Variants in PARD3 observed in about 807,000 individuals in gnomAD.
The protein encoded by PARD3 is partitioning defective 3 homolog.
Under a neutral mutation model 155.4 loss-of-function variants are expected in PARD3, and 75 were observed. The ratio of observed to expected loss-of-function variants is 0.48; its 90% CI spans 0.40 to 0.58. The LOEUF (loss-of-function observed/expected upper bound fraction) is 0.58. Among genes scored for constraint, PARD3 ranks in the 20% least tolerant of loss-of-function variants. The pLI, the probability that PARD3 is intolerant of heterozygous loss-of-function variation, is 0.00. For synonymous variants in PARD3, 576 were observed against 610.5 expected, an observed-to-expected ratio of 0.94 and a Z score of 0.83; for missense variants, 1,642 against 1,721.7, an observed-to-expected ratio of 0.95 and a Z score of 0.82.
intron 23 of PARD3, among the ~76,000 whole-genome samples, chr10:34,127,718 G>A (rs1947361317): frequency 6.6e-6 from 1 of 152,188 alleles, no homozygotes; most frequent in Non-Finnish European, 1.5e-5. Flanking sequence ...GCGGGGCTGT[G>A]CCAGGTTGGA....
chr10:34,580,462 G>C (rs916807036), intron 2 of PARD3, among the ~76,000 whole-genome samples: 4 of 152,176 alleles, frequency 2.6e-5, no homozygotes, highest in South Asian at 2.1e-4. Flanking sequence ...TGGAGCCTAA[G>C]AAGTCCAGGT....
chr10:34,388,363 AG>A (rs1209214545), intron 7 of PARD3, among the ~76,000 whole-genome samples: 1 of 152,226 alleles, frequency 6.6e-6, no homozygotes, highest in African/African-American at 2.4e-5. Flanking sequence ...AAGAAAAAAA[AG>A]TCACAAGAAA....
intron 2 of PARD3, among the ~76,000 whole-genome samples, chr10:34,526,492 A>G (rs2082494628): frequency 6.6e-6 from 1 of 152,220 alleles, no homozygotes; most frequent in Non-Finnish European, 1.5e-5. Context: ...GAATGTCTGC[A>G]TCCACTGGTG....
At chr10:34,215,948 G>A (rs1245506275) in intron 22 of PARD3, among the ~76,000 whole-genome samples, 1 of 152,106 alleles carries the variant, frequency 6.6e-6, no homozygotes, top group African/African-American at 2.4e-5. Context: ...TACACTTTTT[G>A]CATTAAATAT....
intron 2 of PARD3, among the ~76,000 whole-genome samples, chr10:34,617,984 T>C (rs1434401790): frequency 2.0e-5 from 3 of 152,222 alleles, no homozygotes; most frequent in African/African-American, 2.4e-5. Context: ...AGCTATGGCT[T>C]CTCTATACAC....
At chr10:34,560,067 C>T (rs2085339746) in intron 2 of PARD3, among the ~76,000 whole-genome samples, 1 of 152,026 alleles carries the variant, frequency 6.6e-6, no homozygotes, top group Non-Finnish European at 1.5e-5. Flanking sequence ...AATCTTATTG[C>T]ACATACAATT....
intron 13 of PARD3, 100 bp from the exon 14 acceptor site, chr10:34,359,417 A>G: frequency 1.1e-6 from 1 of 870,638 alleles, no homozygotes. Flanking sequence ...CAAAGCAAAA[A>G]AAAAAAAAGT....
intron 6 of PARD3, 36 bp from the exon 7 acceptor site, chr10:34,399,449 G>T: frequency 7.1e-7 from 1 of 1,399,186 alleles, no homozygotes; most frequent in Non-Finnish European, 1.0e-6. Flanking sequence ...GCATGAACGT[G>T]TACTGTAAAC....
At chr10:34,381,973 A>G (rs1841908867) in intron 9 of PARD3, among the ~76,000 whole-genome samples, 1 of 151,150 alleles carries the variant, frequency 6.6e-6, no homozygotes, top group Non-Finnish European at 1.5e-5. Context: ...AAAAGAAAAG[A>G]AAAAAAAGAA....
rs1220328124 is a variant in PARD3 at position 34,343,789 on chromosome 10, T to C, written c.2219-1973A>G. ...TATTTCTGATAGGTAAACTTTCCTC[T>C]ATCTTCAACTAGTTAACTAGTGACC... On this transcript the variant is annotated intron_variant, in intron 15 of 24. Transcript: ENST00000374788. The C allele has an allele frequency of 5.1e-6, 5 of 983,182 alleles. No individual in the cohort carries two copies. The South Asian group carries it at 1.4e-4, about 28-fold the overall frequency. 60.9% of individuals were successfully genotyped at this position (983,182 alleles called of 1,614,324 possible).
At chr10:34,334,358 A>G (rs1020776318) in intron 18 of PARD3, among the ~76,000 whole-genome samples, 12 of 151,370 alleles carry the variant, frequency 7.9e-5, no homozygotes, top group Non-Finnish European at 1.3e-4. Context: ...AAAAAAAAAA[A>G]AAAAAAGAAA....
chr10:34,628,082 C>T lies in PARD3; in HGVS notation c.222+68236G>A, dbSNP rs183730213. Among the ~76,000 whole-genome samples, 319 of 152,304 alleles carry T rather than the reference C, an allele frequency of 2.1e-3. 2 individuals carry two copies. Among genetic ancestry groups the T allele is most frequent in the Non-Finnish European group, 2.5e-3 (170 of 68,032 alleles). ...CACAGCCATGATGAAGGAACCAATT[C>T]ACAATAAATGCAGGATGTTCACCCA... On this transcript the variant is annotated intron_variant, in intron 2 of 24. Coordinates refer to ENST00000374788, the MANE Select transcript of PARD3 (RefSeq NM_001184785.2).
At position 34,129,700 on chromosome 10, in the gene PARD3, CTTTTTTTT is replaced by C. The variant is rs1209547388; in HGVS notation, c.3540+1755_3540+1762del. Among the ~76,000 whole-genome samples the C allele has an allele frequency of 2.4e-5, 2 of 82,986 alleles. 1 individual carries two copies. Among genetic ancestry groups the C allele is most frequent in the South Asian group, 7.2e-4 (2 of 2,778 alleles). The allele number at this position is 82,986 out of a possible 152,430, so 54.4% of individuals were successfully genotyped here. ...CCTTTTTTTTTGTAATGTCAAGCCT[CTTTTTTTT>C]TTTTTTTTTTGAGCCAGGGTCTCAC... On this transcript the variant is annotated intron_variant, in intron 23 of 24. Coordinates refer to ENST00000374788, the MANE Select transcript of PARD3 (RefSeq NM_001184785.2).
At chr10:34,501,248 G>A (rs2080681608) in intron 3 of PARD3, among the ~76,000 whole-genome samples, 1 of 152,136 alleles carries the variant, frequency 6.6e-6, no homozygotes, top group Non-Finnish European at 1.5e-5. Context: ...TTCCTTCATG[G>A]TTTGGTGCTG....
intron 4 of PARD3, among the ~76,000 whole-genome samples, chr10:34,451,597 A>C (rs2077060822): frequency 6.6e-6 from 1 of 152,160 alleles, no homozygotes; most frequent in Non-Finnish European, 1.5e-5. Context: ...TAAAACTTAA[A>C]AATGAATTGA....
intron 1 of PARD3, among the ~76,000 whole-genome samples, chr10:34,781,123 C>A (rs543991008): frequency 5.9e-5 from 9 of 152,224 alleles, no homozygotes; most frequent in Non-Finnish European, 1.2e-4. Context: ...ACCCCTCCCC[C>A]CTCTAGCCTG....
intron 2 of PARD3, among the ~76,000 whole-genome samples, chr10:34,533,873 T>C (rs2133821789): frequency 6.6e-6 from 1 of 152,168 alleles, no homozygotes; most frequent in South Asian, 2.1e-4. Context: ...TTAACACCAT[T>C]TGCCCTAAAC....
chr10:34,650,386 C>G (rs1014377876), intron 2 of PARD3, among the ~76,000 whole-genome samples: 2 of 152,198 alleles, frequency 1.3e-5, no homozygotes, highest in Admixed American at 6.5e-5. Context: ...TGTGGTCCAT[C>G]ACTGACTGAA....
rs922708084 is a variant in PARD3 at position 34,109,647 on chromosome 10, G to C, written c.*1522C>G. ...AGCTCAGGGGAGGCTGTGAGAAAGA[G>C]CCACTGTCATCCAAGGTCACTGCGC... On this transcript the variant is annotated 3_prime_UTR_variant, in exon 25 of 25. Coordinates refer to ENST00000374788, the MANE Select transcript of PARD3 (RefSeq NM_001184785.2). The C allele has an allele frequency of 1.3e-5, 2 of 151,950 alleles. 1 individual carries two copies. The highest frequency in any genetic ancestry group is 1.3e-4 in the Admixed American group (2 of 15,256). 9.4% of individuals were successfully genotyped at this position (151,950 alleles called of 1,614,324 possible).
Sources: gnomAD v4.1 joint callset for allele counts (sites outside exome capture counted in the v4.1 genomes callset) on GRCh38, gnomAD v4.1.1 for gene constraint, MANE v1.5 for transcripts, NCBI Gene and HGNC (gene_info 2026-07-23, HGNC 2026-07-21) for gene names.